SLAIN2: variants seen among roughly 807,000 people sequenced by gnomAD.
SLAIN2 encodes SLAIN motif-containing protein 2.
Under a neutral mutation model 56.6 loss-of-function variants are expected in SLAIN2, and 31 were observed. The observed-to-expected ratio is 0.55, with a 90% CI of 0.41 to 0.74. SLAIN2 has a LOEUF of 0.74. Ranked by LOEUF, SLAIN2 falls within the 30% of genes least tolerant of loss-of-function variation. SLAIN2 has a pLI of 0.00. For synonymous variants in SLAIN2, 317 were observed against 284.9 expected (o/e 1.11, Z -1.13); for missense variants, 777 against 754.2 (o/e 1.03, Z -0.35).
At chr4:48,361,679 A>C (rs1715331461) in intron 1 of SLAIN2, among the ~76,000 whole-genome samples, 1 of 152,102 alleles carries the variant, frequency 6.6e-6, no homozygotes, top group South Asian at 2.1e-4. Context: ...TTTTTATATA[A>C]ATTTTAGGAT....
chr4:48,379,942 T>C lies in SLAIN2; in HGVS notation c.862+94T>C, dbSNP rs112831286. On this transcript the variant is annotated intron_variant, in intron 4 of 7. Transcript: ENST00000264313. ...TCTTAAAGTATTGTGGGGGTAGTAATGTAGTGAAAGTAGAAATGTTGCAGT... is the reference window on the plus strand; with the variant it reads ...TCTTAAAGTATTGTGGGGGTAGTAACGTAGTGAAAGTAGAAATGTTGCAGT... 1,478 of 1,140,904 alleles carry C rather than the reference T, an allele frequency of 1.3e-3. 17 individuals carry two copies. The African/African-American group carries it at 0.019, about 15-fold the overall frequency. The allele number at this position is 1,140,904 out of a possible 1,614,324, so 70.7% of individuals were successfully genotyped here.
chr4:48,365,052 T>G (rs371975266), intron 1 of SLAIN2, among the ~76,000 whole-genome samples: 3 of 152,200 alleles, frequency 2.0e-5, no homozygotes, highest in Non-Finnish European at 4.4e-5. Context: ...TTCATAATAT[T>G]CGCTTATATT....
intron 1 of SLAIN2, among the ~76,000 whole-genome samples, chr4:48,358,662 A>G (rs749532530): frequency 6.6e-6 from 1 of 151,970 alleles, no homozygotes; most frequent in Non-Finnish European, 1.5e-5. Flanking sequence ...CTAATGGTTT[A>G]GAATTATTAA....
At chr4:48,404,162 CT>C (rs1716632167) in intron 6 of SLAIN2, among the ~76,000 whole-genome samples, 1 of 152,200 alleles carries the variant, frequency 6.6e-6, no homozygotes, top group African/African-American at 2.4e-5. Flanking sequence ...CTCACTCTTT[CT>C]TTCCTCTTTT....
intron 6 of SLAIN2, among the ~76,000 whole-genome samples, chr4:48,384,339 T>C (rs1348339276): frequency 1.3e-5 from 2 of 152,216 alleles, no homozygotes; most frequent in African/African-American, 2.4e-5. Flanking sequence ...GATCTCATTT[T>C]ATTTCTGCAT....
intron 1 of SLAIN2, 34 bp from the exon 2 acceptor site, chr4:48,369,815 A>G (rs1715617171): frequency 6.3e-7 from 1 of 1,596,438 alleles, no homozygotes; most frequent in Non-Finnish European, 8.5e-7. Flanking sequence ...TGTGCTTAAT[A>G]AGGAATTTTC....
chr4:48,363,772 CG>C (rs1715414143), intron 1 of SLAIN2, among the ~76,000 whole-genome samples: 2 of 127,438 alleles, frequency 1.6e-5, no homozygotes, highest in African/African-American at 5.7e-5. Flanking sequence ...CCCTCCCGGA[CG>C]GGGCGGCTGG....
chr4:48,396,215 T>TA (rs770152222), intron 6 of SLAIN2, among the ~76,000 whole-genome samples: 6 of 152,122 alleles, frequency 3.9e-5, no homozygotes, highest in Non-Finnish European at 8.8e-5. Flanking sequence ...TTGGAACTGT[T>TA]ATGAACTGGA....
At position 48,408,358 on chromosome 4, in the gene SLAIN2, A is replaced by C. The variant is rs547347216; in HGVS notation, c.1361-11767A>C. 1.3e-3 allele frequency among the ~76,000 whole-genome samples: 198 copies of C among 151,990 alleles called. 2 individuals are homozygous for C. Among genetic ancestry groups the C allele is most frequent in the Middle Eastern group, 6.8e-3 (2 of 292 alleles). ...AAATCTAAAACGAACAAAAAAAAAAACACGACATTTCAGTCAACAGTGGAT... is the reference window on the plus strand; with the variant it reads ...AAATCTAAAACGAACAAAAAAAAAACCACGACATTTCAGTCAACAGTGGAT... On this transcript the variant is annotated intron_variant, in intron 6 of 7. Coordinates refer to ENST00000264313, the MANE Select transcript of SLAIN2 (RefSeq NM_020846.2).
intron 6 of SLAIN2, among the ~76,000 whole-genome samples, chr4:48,406,741 A>G (rs1236059173): frequency 6.6e-6 from 1 of 151,980 alleles, no homozygotes; most frequent in Non-Finnish European, 1.5e-5. Context: ...TGAGAACAGT[A>G]TTCATTCTTT....
rs1359205780 is a variant in SLAIN2, at chr4:48,414,150, G to A, written c.1361-5975G>A. 4.6e-5 allele frequency among the ~76,000 whole-genome samples: 7 copies of A among 152,256 alleles called. No homozygotes were observed. The East Asian group carries it at 1.3e-3, about 29-fold the overall frequency. ...TTCTAATTTTTGCTCAGAGCAGATA[G>A]ATCTCCTTCACATTATGCCTGACTC... On this transcript the variant is annotated intron_variant, in intron 6 of 7. Coordinates refer to ENST00000264313, the MANE Select transcript of SLAIN2 (RefSeq NM_020846.2).
chr4:48,342,088 C>T lies in SLAIN2; in HGVS notation c.349C>T (p.Leu117=), dbSNP rs964315659. Residue 117 remains leucine (L), a synonymous_variant, in exon 1 of 8, where the codon CTG becomes TTG. Transcript: ENST00000264313. ...DEVEPLRPDE[L]ERLSGWEEEE... ...GGTGGAGCCGCTGCGGCCCGACGAGCTGGAGCGCCTGTCAGGCTGGGAGGA... is the reference window on the plus strand; with the variant it reads ...GGTGGAGCCGCTGCGGCCCGACGAGTTGGAGCGCCTGTCAGGCTGGGAGGA... The T allele has an allele frequency of 7.3e-7, 1 of 1,365,944 alleles. No homozygotes were observed. The highest frequency in any genetic ancestry group is 9.4e-7 in the Non-Finnish European group (1 of 1,066,612). The allele number at this position is 1,365,944 out of a possible 1,614,324, so 84.6% of individuals were successfully genotyped here. A position where few individuals can be genotyped will look rare whatever the true frequency, so the allele number is the denominator to read the frequency against.
At chr4:48,343,373 A>G (rs1465247428) in intron 1 of SLAIN2, among the ~76,000 whole-genome samples, 1 of 152,250 alleles carries the variant, frequency 6.6e-6, no homozygotes, top group African/African-American at 2.4e-5. Flanking sequence ...TAAACTGTCT[A>G]AAACAAGCTG....
chr4:48,364,570 C>T (rs1715454372), intron 1 of SLAIN2, among the ~76,000 whole-genome samples: 1 of 92,280 alleles, frequency 1.1e-5, no homozygotes, highest in Non-Finnish European at 2.5e-5. Flanking sequence ...CGCCACTGCA[C>T]TCCAGCCTGG....
intron 6 of SLAIN2, among the ~76,000 whole-genome samples, chr4:48,411,413 C>A (rs1277517808): frequency 6.6e-6 from 1 of 152,164 alleles, no homozygotes; most frequent in Non-Finnish European, 1.5e-5. Context: ...TTAGCTCTTA[C>A]ACTTAGGTCT....
chr4:48,418,166 TTC>T (rs2109789696), intron 6 of SLAIN2, among the ~76,000 whole-genome samples: 1 of 151,404 alleles, frequency 6.6e-6, no homozygotes, highest in African/African-American at 2.4e-5. Context: ...CTCCCTCTTC[TTC>T]TTTTTTTTTT....
chr4:48,383,749 G>A lies in SLAIN2; in HGVS notation c.1325G>A (p.Gly442Glu). ...GACTCAAATTTTCAAGTGCCAAACG[G>A]AGGAATACCTCGTATGCAACCTCAG... ...RSDSNFQVPN[G>E]GIPRMQPQAS... Residue 442 changes from glycine to glutamate, a missense_variant, in exon 6 of 8, where the codon GGA becomes GAA. By Grantham distance (98) the Gly-to-Glu change is moderately conservative. Coordinates refer to ENST00000264313, the MANE Select transcript of SLAIN2 (RefSeq NM_020846.2). The A allele has an allele frequency of 6.2e-7, 1 of 1,612,256 alleles. No individual in the cohort carries two copies. Among genetic ancestry groups the A allele is most frequent in the Non-Finnish European group, 8.5e-7 (1 of 1,178,880 alleles).
chr4:48,392,828 T>G (rs1456156539), intron 6 of SLAIN2, among the ~76,000 whole-genome samples: 1 of 150,558 alleles, frequency 6.6e-6, no homozygotes, highest in Non-Finnish European at 1.5e-5. Context: ...TACTGCCTCA[T>G]TGTCTGTCTC....
chr4:48,404,569 GA>G (rs1429615337), intron 6 of SLAIN2, among the ~76,000 whole-genome samples: 1 of 152,174 alleles, frequency 6.6e-6, no homozygotes, highest in Non-Finnish European at 1.5e-5. Context: ...GTAAAATTTG[GA>G]GAATGAGAGA....
Sources: gnomAD v4.1 joint callset for allele counts (sites outside exome capture counted in the v4.1 genomes callset) on GRCh38, gnomAD v4.1.1 for gene constraint, MANE v1.5 for transcripts, NCBI Gene and HGNC (gene_info 2026-07-23, HGNC 2026-07-21) for gene names.